ZNF362: variants seen among roughly 807,000 people sequenced by gnomAD.
The protein encoded by ZNF362 is rotund homolog.
ZNF362 carries 11 observed loss-of-function variants against 42.9 expected under a neutral mutation model. That is an observed-to-expected ratio of 0.26 (90% CI 0.16 to 0.42). ZNF362 has a LOEUF of 0.42. ZNF362 is among the 20% of genes least tolerant of loss of function. ZNF362 has a pLI of 1.00. For missense variants in ZNF362, 362 were observed against 576.2 expected (o/e 0.63, Z 3.81); for synonymous variants, 255 against 257.3 (o/e 0.99, Z 0.09).
upstream of ZNF362, among the ~76,000 whole-genome samples, chr1:33,253,748 T>C (rs527963634): frequency 1.5e-4 from 23 of 152,284 alleles, no homozygotes; most frequent in Admixed American, 3.9e-4. Context: ...ATATTGATGA[T>C]AACATAACTT....
chr1:33,231,167 C>T, the ZNF362 span, among the ~76,000 whole-genome samples: 1 of 152,164 alleles, frequency 6.6e-6, no homozygotes, highest in Admixed American at 6.5e-5. Context: ...CTCCATTTTA[C>T]AGATAGGGAA....
the ZNF362 span, among the ~76,000 whole-genome samples, chr1:33,173,592 G>A: frequency 6.6e-6 from 1 of 151,664 alleles, no homozygotes; most frequent in Non-Finnish European, 1.5e-5. Flanking sequence ...CTCCATGCCT[G>A]TCCCTGGTCA....
chr1:33,276,053 C>T, intron 2 of ZNF362, 47 bp from the exon 3 acceptor site: 1 of 1,607,188 alleles, frequency 6.2e-7, no homozygotes, highest in Non-Finnish European at 8.5e-7. Context: ...TCGCCCCAGG[C>T]CTTGGGGAGG....
At chr1:33,253,081 T>G (rs1396456622), upstream of ZNF362, among the ~76,000 whole-genome samples, 1 of 151,552 alleles carries the variant, frequency 6.6e-6, no homozygotes, top group African/African-American at 2.4e-5. Context: ...AGGTGATGTT[T>G]GAGCTGACTT....
At chr1:33,199,795 A>C in the ZNF362 span, 1 of 152,244 alleles carries the variant, frequency 6.6e-6, no homozygotes, top group Non-Finnish European at 1.5e-5. Context: ...AGGCAGGTGG[A>C]TCACCTGAGG....
the ZNF362 span, among the ~76,000 whole-genome samples, chr1:33,130,277 C>T: frequency 6.6e-6 from 1 of 152,272 alleles, no homozygotes; most frequent in Non-Finnish European, 1.5e-5. Context: ...GATTTCCTCC[C>T]GTTGAGTATG....
chr1:33,270,621 C>T lies in ZNF362; in HGVS notation c.38+9C>T. The stretch of plus-strand genomic sequence containing the variant: ...GGGAAAGGACACTCTAGGTAAGGAG[C>T]CTGTGATTCCAGGTTGCACTCTGTC... On this transcript the variant is annotated intron_variant, in intron 2 of 8. Transcript: ENST00000539719. The T allele has an allele frequency of 2.5e-6, 4 of 1,612,472 alleles. 1 individual carries two copies. Among genetic ancestry groups the T allele is most frequent in the Non-Finnish European group, 3.4e-6 (4 of 1,179,338 alleles).
the ZNF362 span, chr1:33,165,582 GGCCGGGATGGGGGCAGGGGCCAT>G: frequency 6.3e-7 from 1 of 1,594,750 alleles, no homozygotes; most frequent in Admixed American, 1.7e-5. This position sits in a 1 kb window ranked among gnomAD's most constrained non-coding sequence, Gnocchi z 4.0. Context: ...ACACACACAG[GGCCGGGATGGGGGCAGGGGCCAT>G]GCCTGGCCCA....
At chr1:33,147,513 C>T in the ZNF362 span, 1 of 1,613,538 alleles carries the variant, frequency 6.2e-7, no homozygotes. This position sits in a 1 kb window ranked among gnomAD's most constrained non-coding sequence, Gnocchi z 8.1. Context: ...CCAGCCCGAT[C>T]ACCCACTGGG....
chr1:33,296,958 C>G (rs760716711), intron 8 of ZNF362, among the ~76,000 whole-genome samples: 69 of 151,996 alleles, frequency 4.5e-4, no homozygotes, highest in Admixed American at 2.8e-3. Flanking sequence ...GTGTGCACCA[C>G]TGTGCCTGGC....
chr1:33,192,438 T>A, the ZNF362 span, among the ~76,000 whole-genome samples: 1 of 152,214 alleles, frequency 6.6e-6, no homozygotes, highest in East Asian at 1.9e-4. Context: ...GATCTGAGCT[T>A]AGAAGACCAG....
At chr1:33,257,994 C>T (rs375062314) in intron 1 of ZNF362, among the ~76,000 whole-genome samples, 26 of 152,160 alleles carry the variant, frequency 1.7e-4, no homozygotes, top group African/African-American at 5.6e-4. Flanking sequence ...ATGTCTTCCC[C>T]GACCCCACCC....
At chr1:33,199,241 C>T in the ZNF362 span, among the ~76,000 whole-genome samples, 54 of 151,954 alleles carry the variant, frequency 3.6e-4, 2 homozygotes, top group Admixed American at 1.4e-3. Context: ...TCAAATTGCT[C>T]AAAACAAGTT....
intron 1 of ZNF362, among the ~76,000 whole-genome samples, chr1:33,269,680 G>T (rs1173320360): frequency 6.6e-6 from 1 of 152,176 alleles, no homozygotes; most frequent in East Asian, 1.9e-4. Context: ...GAGATTACAG[G>T]CATGAACCAT....
At chr1:33,289,835 A>G (rs937779197) in intron 6 of ZNF362, among the ~76,000 whole-genome samples, 2 of 152,194 alleles carry the variant, frequency 1.3e-5, no homozygotes, top group Non-Finnish European at 2.9e-5. Flanking sequence ...ATAAGTACCC[A>G]TGCAGAGACT....
At chr1:33,129,896 G>A in the ZNF362 span, among the ~76,000 whole-genome samples, 1 of 152,158 alleles carries the variant, frequency 6.6e-6, no homozygotes, top group African/African-American at 2.4e-5. The surrounding 1 kb of genome is among the most constrained non-coding windows in gnomAD (Gnocchi z 4.1). Flanking sequence ...TTTTGCTTTT[G>A]TTGGTCAGGC....
intron 1 of ZNF362, among the ~76,000 whole-genome samples, chr1:33,267,542 C>T (rs1645872968): frequency 6.6e-6 from 1 of 152,044 alleles, no homozygotes; most frequent in Non-Finnish European, 1.5e-5. Flanking sequence ...TTAATGGATC[C>T]AGTGTCAGGG....
the ZNF362 span, among the ~76,000 whole-genome samples, chr1:33,130,046 A>T: frequency 6.6e-6 from 1 of 152,020 alleles, no homozygotes; most frequent in Non-Finnish European, 1.5e-5. Context: ...TTTAGTAGAG[A>T]TGGGGTTTCA....
upstream of ZNF362, among the ~76,000 whole-genome samples, chr1:33,256,248 C>G (rs1389643812): frequency 7.0e-6 from 1 of 142,098 alleles, no homozygotes; most frequent in Non-Finnish European, 1.6e-5. Context: ...CAGCGCGCGG[C>G]CCGCCCCCGC....
Sources: gnomAD v4.1 joint callset for allele counts (sites outside exome capture counted in the v4.1 genomes callset) on GRCh38, gnomAD v4.1.1 for gene constraint, Gnocchi (gnomAD v3.1) non-coding constraint, MANE v1.5 for transcripts, NCBI Gene and HGNC (gene_info 2026-07-23, HGNC 2026-07-21) for gene names.